SBK1: variants seen among roughly 807,000 people sequenced by gnomAD.
SBK1 encodes serine/threonine-protein kinase SBK1.
A neutral mutation model predicts 24.4 loss-of-function variants in SBK1; 11 were observed. The observed-to-expected ratio is 0.45, with a 90% CI of 0.28 to 0.75. The LOEUF (loss-of-function observed/expected upper bound fraction) is 0.75. SBK1 is among the 30% of genes least tolerant of loss of function. The pLI is 0.12. For synonymous variants in SBK1, 308 were observed against 284.4 expected, an observed-to-expected ratio of 1.08 and a Z score of -0.83; for missense variants, 467 against 620.5, an observed-to-expected ratio of 0.75 and a Z score of 2.63.
intron 1 of SBK1, among the ~76,000 whole-genome samples, chr16:28,295,956 A>C (rs1596547554): frequency 5.9e-5 from 7 of 118,000 alleles, no homozygotes; most frequent in South Asian, 2.6e-4. Flanking sequence ...ACAGAGTTTC[A>C]CTCTTGTTGC....
intron 1 of SBK1, among the ~76,000 whole-genome samples, chr16:28,308,746 T>G (rs1008903363): frequency 1.4e-5 from 2 of 138,688 alleles, no homozygotes; most frequent in East Asian, 4.0e-4. Context: ...TTGGGGTGTG[T>G]GTGTGTGTGT....
intron 1 of SBK1, among the ~76,000 whole-genome samples, chr16:28,281,421 C>T (rs2044532748): frequency 6.6e-6 from 1 of 152,072 alleles, no homozygotes; most frequent in Non-Finnish European, 1.5e-5. Context: ...CCCCGAGTCC[C>T]GGGACACCAG....
chr16:28,313,911 C>T (rs1042861677), intron 1 of SBK1, among the ~76,000 whole-genome samples: 6 of 152,156 alleles, frequency 3.9e-5, no homozygotes, highest in East Asian at 1.9e-4. Flanking sequence ...CGAGAGGATG[C>T]GGGGCTCATG....
chr16:28,283,022 T>C (rs2044543282), intron 1 of SBK1, among the ~76,000 whole-genome samples: 1 of 152,034 alleles, frequency 6.6e-6, no homozygotes, highest in Non-Finnish European at 1.5e-5. Flanking sequence ...AAACTCTGCC[T>C]CCCGGGTTCA....
chr16:28,261,636 G>C (rs2044398594), intron 1 of SBK1, among the ~76,000 whole-genome samples: 2 of 152,124 alleles, frequency 1.3e-5, no homozygotes, highest in African/African-American at 4.8e-5. Flanking sequence ...TCTCAAAAAA[G>C]AGAAAGAGAG....
At chr16:28,296,833 AC>A (rs1283447894) in intron 1 of SBK1, among the ~76,000 whole-genome samples, 1 of 151,920 alleles carries the variant, frequency 6.6e-6, no homozygotes, top group African/African-American at 2.4e-5. Flanking sequence ...TCCCCTCCTG[AC>A]CTGGTTCTAG....
intron 1 of SBK1, among the ~76,000 whole-genome samples, chr16:28,287,286 C>CAAAA (rs56232453): frequency 2.4e-5 from 3 of 124,874 alleles, no homozygotes; most frequent in Non-Finnish European, 5.0e-5. Flanking sequence ...ACTAAAAATA[C>CAAAA]AAAAAAAAAA....
chr16:28,275,263 C>CCTGT (rs2044489018), intron 1 of SBK1, among the ~76,000 whole-genome samples: 9 of 152,116 alleles, frequency 5.9e-5, no homozygotes, highest in Admixed American at 5.9e-4. Flanking sequence ...GAGCCGTGAT[C>CCTGT]ACACCAATGC....
upstream of SBK1, among the ~76,000 whole-genome samples, chr16:28,289,821 C>T (rs2044588234): frequency 6.6e-6 from 1 of 151,032 alleles, no homozygotes; most frequent in Non-Finnish European, 1.5e-5. Flanking sequence ...CGTGGTGGCT[C>T]ACACTCGCAA....
chr16:28,307,918 A>G (rs1252832495), intron 1 of SBK1, among the ~76,000 whole-genome samples: 1 of 152,174 alleles, frequency 6.6e-6, no homozygotes, highest in African/African-American at 2.4e-5. Context: ...TTTAATCCAC[A>G]GTGGTTAGCA....
Position 28,270,406 on chromosome 16 carries a change from A to AATTATTATTATT in SBK1, c.257+10927_257+10938dup, listed in dbSNP as rs59973055. ...GAAAAGAAAATTATTTTCAGCCTAGAATTATTATTATTATTATTATTATTA... is the reference window on the plus strand; with the variant it reads ...GAAAAGAAAATTATTTTCAGCCTAGAATTATTATTATTATTATTATTATTATTATTATTATTA... On this transcript the variant is annotated intron_variant, in intron 1 of 3. Transcript: ENST00000671413. Among the ~76,000 whole-genome samples, 1,370 of 146,022 alleles carry AATTATTATTATT rather than the reference A, an allele frequency of 9.4e-3. 16 individuals are homozygous for AATTATTATTATT. Among genetic ancestry groups the AATTATTATTATT allele is most frequent in the Middle Eastern group, 0.028 (8 of 282 alleles).
At chr16:28,315,075 T>G (rs1310749610) in intron 1 of SBK1, among the ~76,000 whole-genome samples, 1 of 152,092 alleles carries the variant, frequency 6.6e-6, no homozygotes, top group Non-Finnish European at 1.5e-5. Flanking sequence ...GGTGGCAGCT[T>G]CTAAAGGAGG....
chr16:28,308,982 C>T (rs754664725), intron 1 of SBK1, among the ~76,000 whole-genome samples: 7 of 152,144 alleles, frequency 4.6e-5, no homozygotes, highest in Middle Eastern at 3.4e-3. Context: ...GCTGCATAAC[C>T]CTTGAATTGG....
chr16:28,314,096 G>C (rs964413404), intron 1 of SBK1, among the ~76,000 whole-genome samples: 1 of 151,938 alleles, frequency 6.6e-6, no homozygotes, highest in African/African-American at 2.4e-5. Context: ...CTTAACCCTC[G>C]CAAGAACGCA....
At chr16:28,318,729 A>AT (rs1309438241) in intron 2 of SBK1, among the ~76,000 whole-genome samples, 1 of 152,192 alleles carries the variant, frequency 6.6e-6, no homozygotes, top group Non-Finnish European at 1.5e-5. Flanking sequence ...GCAGGACAAA[A>AT]TGAGAGAGGT....
chr16:28,281,464 C>T (rs935302441), intron 1 of SBK1, among the ~76,000 whole-genome samples: 10 of 152,082 alleles, frequency 6.6e-5, no homozygotes, highest in African/African-American at 2.2e-4. Context: ...AACCCAGAGT[C>T]AGGATGGAAA....
intron 1 of SBK1, among the ~76,000 whole-genome samples, chr16:28,314,142 T>G (rs938041107): frequency 7.2e-5 from 7 of 97,248 alleles, no homozygotes; most frequent in African/African-American, 2.0e-4. Flanking sequence ...TTGTTGTCGT[T>G]ATTATTGTTA....
intron 1 of SBK1, among the ~76,000 whole-genome samples, chr16:28,260,084 T>TGTGTGTGTG (rs1555535487): frequency 0.018 from 2,742 of 149,930 alleles, 94 homozygotes; most frequent in African/African-American, 0.064. Context: ...GTGTATTTGC[T>TGTGTGTGTG]TGTGTGTGTG....
rs930973748 is a variant in SBK1 at position 28,274,486 on chromosome 16, C to T, written c.257+14984C>T. Among the ~76,000 whole-genome samples, 5 of 152,054 alleles carry T rather than the reference C, an allele frequency of 3.3e-5. No individual in the cohort carries two copies. In the South Asian group the frequency reaches 1.0e-3, roughly 32 times the overall value. On this transcript the variant is annotated intron_variant, in intron 1 of 3. Transcript: ENST00000671413. ...CCAACATGGTGAAACCCCGTCTCTACTAAAAATACAAAAAAATTAGCCAGG... is the reference window on the plus strand; with the variant it reads ...CCAACATGGTGAAACCCCGTCTCTATTAAAAATACAAAAAAATTAGCCAGG...
Sources: allele counts gnomAD v4.1 joint callset (sites outside exome capture counted in the v4.1 genomes callset), GRCh38; gene constraint gnomAD v4.1.1; transcripts MANE v1.5; gene names NCBI Gene and HGNC (gene_info 2026-07-23, HGNC 2026-07-21).